Variants in OPA1 observed in about 807,000 individuals in gnomAD.
OPA1 encodes the protein dynamin-like GTPase OPA1, mitochondrial.
Under a neutral mutation model 152.9 loss-of-function variants are expected in OPA1, and 59 were observed. That is an observed-to-expected ratio of 0.39 (90% CI 0.31 to 0.48). OPA1 has a LOEUF of 0.48. Among genes scored for constraint, OPA1 ranks in the 20% least tolerant of loss-of-function variants. OPA1 has a pLI of 0.96. For synonymous variants in OPA1, 400 were observed against 389.9 expected (o/e 1.03, Z -0.31); for missense variants, 1,008 against 1,216.8 (o/e 0.83, Z 2.55).
At chr3:193,607,682 A>G (rs1290873887) in intron 1 of OPA1, among the ~76,000 whole-genome samples, 1 of 152,122 alleles carries the variant, frequency 6.6e-6, no homozygotes, top group Non-Finnish European at 1.5e-5. Flanking sequence ...GTATAGTTTG[A>G]AGTCAGGTAG....
chr3:193,673,303 A>G (rs181821101), intron 29 of OPA1, among the ~76,000 whole-genome samples: 76 of 152,344 alleles, frequency 5.0e-4, no homozygotes, highest in Non-Finnish European at 1.0e-3. Context: ...CATGTTAGTG[A>G]TGATGATAAT....
At chr3:193,691,447 G>T (rs1721669519) in intron 29 of OPA1, 1 of 151,972 alleles carries the variant, frequency 6.6e-6, no homozygotes, top group African/African-American at 2.4e-5. Flanking sequence ...TTTATAGCTG[G>T]CAAAGTACTT....
intron 11 of OPA1, among the ~76,000 whole-genome samples, chr3:193,642,490 A>G (rs1733934221): frequency 6.6e-6 from 1 of 152,368 alleles, no homozygotes; most frequent in East Asian, 1.9e-4. Context: ...GGAAAGAAAG[A>G]GGCAGCAGCA....
At chr3:193,627,081 A>G (rs978749317) in intron 7 of OPA1, 7 of 152,198 alleles carry the variant, frequency 4.6e-5, no homozygotes, top group African/African-American at 1.7e-4. Flanking sequence ...TTATATACAA[A>G]TGCTAGTCAG....
At chr3:193,610,342 A>G (rs1447654145) in intron 1 of OPA1, among the ~76,000 whole-genome samples, 1 of 152,224 alleles carries the variant, frequency 6.6e-6, no homozygotes, top group Non-Finnish European at 1.5e-5. Flanking sequence ...CGGAGGCTGC[A>G]GAACAACGAA....
At chr3:193,611,661 C>T (rs1387042701) in intron 1 of OPA1, among the ~76,000 whole-genome samples, 1 of 150,716 alleles carries the variant, frequency 6.6e-6, no homozygotes, top group East Asian at 1.9e-4. Context: ...TCTCTAACTT[C>T]CCATTGCAAC....
chr3:193,684,224 C>T (rs1429778815), intron 29 of OPA1, among the ~76,000 whole-genome samples: 1 of 152,094 alleles, frequency 6.6e-6, no homozygotes, highest in Admixed American at 6.6e-5. Context: ...ATGCGTAGTT[C>T]TAGGGAAAAT....
Position 193,607,595 on chromosome 3 carries a change from G to A in OPA1, c.33-7128G>A, listed in dbSNP as rs1727491770. Among the ~76,000 whole-genome samples, 3 of 152,128 alleles carry A rather than the reference G, an allele frequency of 2.0e-5. No homozygotes were observed. In the East Asian group the frequency reaches 5.8e-4, roughly 29 times the overall value. On this transcript the variant is annotated intron_variant, in intron 1 of 30. Transcript: ENST00000361510. Reference sequence around the variant, plus strand: ...GTTGTAGATATGCGGCGTTATTTCTGAGGGCTCTGTTCTGTTCCATTGGCC... The same window carrying A: ...GTTGTAGATATGCGGCGTTATTTCTAAGGGCTCTGTTCTGTTCCATTGGCC...
At chr3:193,674,998 G>T (rs183493091) in intron 29 of OPA1, among the ~76,000 whole-genome samples, 16 of 152,234 alleles carry the variant, frequency 1.1e-4, no homozygotes, top group Non-Finnish European at 2.9e-5. Flanking sequence ...GCACTCCAAA[G>T]AGTTCTTTCA....
chr3:193,611,092 T>C (rs2108845213), intron 1 of OPA1, among the ~76,000 whole-genome samples: 1 of 152,234 alleles, frequency 6.6e-6, no homozygotes, highest in Admixed American at 6.5e-5. Flanking sequence ...AGTACCTCAG[T>C]TGGAAATGCA....
At chr3:193,642,519 A>C (rs938978834) in intron 11 of OPA1, among the ~76,000 whole-genome samples, 1 of 152,236 alleles carries the variant, frequency 6.6e-6, no homozygotes, top group Admixed American at 6.5e-5. Flanking sequence ...CATAAGCGAT[A>C]TAAAGGAACC....
intron 8 of OPA1, among the ~76,000 whole-genome samples, chr3:193,633,338 T>A (rs1013655669): frequency 6.2e-4 from 94 of 152,350 alleles, no homozygotes; most frequent in African/African-American, 2.2e-3. Context: ...TCTAGAGCTT[T>A]GAGAGACAGC....
At chr3:193,674,839 C>A (rs896779941) in intron 29 of OPA1, among the ~76,000 whole-genome samples, 2 of 150,772 alleles carry the variant, frequency 1.3e-5, no homozygotes, top group Admixed American at 1.3e-4. Flanking sequence ...TTATTGTACT[C>A]GGAATTTGGA....
chr3:193,654,712 T>A, intron 21 of OPA1, 150 bp from the exon 22 acceptor site: 1 of 716,194 alleles, frequency 1.4e-6, no homozygotes, highest in South Asian at 1.9e-5. Context: ...TTATCTTGAC[T>A]GGTGCGATTT....
chr3:193,672,759 C>T (rs1718209745), intron 29 of OPA1, among the ~76,000 whole-genome samples: 1 of 151,522 alleles, frequency 6.6e-6, no homozygotes, highest in Non-Finnish European at 1.5e-5. Context: ...ATTCCAGCTA[C>T]TCGGGAGGCT....
Position 193,648,820 on chromosome 3 carries a change from A to C in OPA1, c.1961A>C (p.Asn654Thr), listed in dbSNP as rs1488406021. 6.2e-7 allele frequency: 1 copy of C among 1,607,988 alleles called. No individual in the cohort carries two copies. Among genetic ancestry groups the C allele is most frequent in the Non-Finnish European group, 8.5e-7 (1 of 1,174,820 alleles). The part of the protein sequence containing the change: ...DRNELFEKAK[N>T]EILDEVISLS... ...AATGAACTATTTGAAAAAGCTAAAA[A>C]TGAAATCCTTGATGAAGTTATCAGT... The change falls in exon 21 of 31, where the codon AAT becomes ACT. Residue 654 changes from asparagine to threonine, a missense_variant. By Grantham distance (65) the Asn-to-Thr change is moderately conservative. This residue lies in a region of OPA1 where 229 missense variants were observed against 269.0 expected (regional missense o/e 0.85). Coordinates refer to ENST00000361510, the MANE Select transcript of OPA1 (RefSeq NM_130837.3).
intron 7 of OPA1, among the ~76,000 whole-genome samples, 170 bp downstream of exon 7, chr3:193,626,372 G>A (rs1731148632): frequency 6.6e-6 from 1 of 152,186 alleles, no homozygotes. Flanking sequence ...GGAGTGGGTA[G>A]TATAGGTAAA....
intron 21 of OPA1, among the ~76,000 whole-genome samples, chr3:193,653,682 A>G (rs1314402873): frequency 2.6e-5 from 4 of 152,200 alleles, no homozygotes; most frequent in Non-Finnish European, 4.4e-5. Context: ...ACAGCATTCT[A>G]TAACATCTCT....
At chr3:193,668,516 A>G (rs1717181244) in intron 29 of OPA1, 1 of 1,548,842 alleles carries the variant, frequency 6.5e-7, no homozygotes, top group Non-Finnish European at 8.7e-7. Flanking sequence ...CCCACCCGCT[A>G]GCCTCTGCCC....
Sources: gnomAD v4.1 joint callset for allele counts (sites outside exome capture counted in the v4.1 genomes callset) on GRCh38, gnomAD v4.1.1 for gene constraint, gnomAD v4.1.1 regional missense constraint, MANE v1.5 for transcripts, NCBI Gene and HGNC (gene_info 2026-07-23, HGNC 2026-07-21) for gene names.